TASP1: variants seen among roughly 807,000 people sequenced by gnomAD.
TASP1 encodes the protein threonine aspartase 1.
A neutral mutation model predicts 56.6 loss-of-function variants in TASP1; 16 were observed. The ratio of observed to expected loss-of-function variants is 0.28; its 90% CI spans 0.19 to 0.43. The LOEUF (loss-of-function observed/expected upper bound fraction) is 0.43. TASP1 is among the 20% of genes least tolerant of loss of function. The pLI is 1.00. For synonymous variants in TASP1, 179 were observed against 184.2 expected, an observed-to-expected ratio of 0.97 and a Z score of 0.23; for missense variants, 393 against 511.6, an observed-to-expected ratio of 0.77 and a Z score of 2.24.
chr20:13,316,982 A>G, the TASP1 span, among the ~76,000 whole-genome samples: 13 of 152,028 alleles, frequency 8.6e-5, no homozygotes, highest in African/African-American at 3.1e-4. Flanking sequence ...ATTGAGAAGG[A>G]AAAAAAGGAA....
rs548285928 is a variant in TASP1, at chr20:13,506,196, T to C, written c.874+22237A>G. ...TATATAATCTACCAACATTGAATCATGAAGAAAAAGAAAATCTCAACAGAC... is the reference window on the plus strand; with the variant it reads ...TATATAATCTACCAACATTGAATCACGAAGAAAAAGAAAATCTCAACAGAC... On this transcript the variant is annotated intron_variant, in intron 10 of 13. Coordinates refer to ENST00000337743, the MANE Select transcript of TASP1 (RefSeq NM_017714.3). 5.3e-5 allele frequency among the ~76,000 whole-genome samples: 8 copies of C among 150,506 alleles called. No homozygotes were observed. The South Asian group carries it at 1.7e-3, about 31-fold the overall frequency.
At chr20:13,362,396 C>T in the TASP1 span, among the ~76,000 whole-genome samples, 1,389 of 151,530 alleles carry the variant, frequency 9.2e-3, 13 homozygotes, top group African/African-American at 0.028. Flanking sequence ...TGCAAATGGC[C>T]GGTCCTTGCC....
chr20:13,526,541 A>G (rs2044987818), intron 10 of TASP1, among the ~76,000 whole-genome samples: 1 of 152,210 alleles, frequency 6.6e-6, no homozygotes, highest in South Asian at 2.1e-4. Context: ...ATATTATTAC[A>G]TTATGCTCAT....
chr20:13,519,017 T>A (rs2146782360), intron 10 of TASP1, among the ~76,000 whole-genome samples: 1 of 152,098 alleles, frequency 6.6e-6, no homozygotes, highest in Non-Finnish European at 1.5e-5. Context: ...AAAAAAAATA[T>A]CCCTTGCAGC....
chr20:13,572,265 A>T, intron 6 of TASP1, among the ~76,000 whole-genome samples: 1 of 152,206 alleles, frequency 6.6e-6, no homozygotes, highest in East Asian at 1.9e-4. Flanking sequence ...AGAGTGTCAA[A>T]CTTCTCTAGA....
At chr20:13,599,409 C>T (rs2047869439) in intron 4 of TASP1, among the ~76,000 whole-genome samples, 1 of 152,188 alleles carries the variant, frequency 6.6e-6, no homozygotes, top group African/African-American at 2.4e-5. Context: ...CCATCATTCT[C>T]AGCAAACTAT....
chr20:13,602,871 C>A (rs1027971790), intron 4 of TASP1, among the ~76,000 whole-genome samples: 3 of 152,106 alleles, frequency 2.0e-5, no homozygotes, highest in African/African-American at 7.2e-5. Context: ...GGGTTACGGA[C>A]CCCTGCTCTA....
chr20:13,606,132 C>A (rs1010859805), intron 4 of TASP1, among the ~76,000 whole-genome samples: 2 of 94,936 alleles, frequency 2.1e-5, no homozygotes, highest in African/African-American at 1.6e-4. Flanking sequence ...CATGTGTGTG[C>A]GTGCGTGTGT....
At chr20:13,484,907 A>T (rs915967035) in intron 10 of TASP1, among the ~76,000 whole-genome samples, 3 of 151,344 alleles carry the variant, frequency 2.0e-5, no homozygotes, top group Admixed American at 1.3e-4. Context: ...GCATGTTCTC[A>T]CTCATAAGTG....
the TASP1 span, among the ~76,000 whole-genome samples, chr20:13,202,451 T>C: frequency 6.6e-6 from 1 of 152,236 alleles, no homozygotes; most frequent in African/African-American, 2.4e-5. Context: ...TTCTGAATAA[T>C]GGCCATGATT....
chr20:13,365,766 G>A, the TASP1 span, among the ~76,000 whole-genome samples: 2 of 152,182 alleles, frequency 1.3e-5, no homozygotes, highest in African/African-American at 2.4e-5. Flanking sequence ...TCGACTGAAT[G>A]GAAAACCACT....
At chr20:13,585,043 C>A (rs2047253780) in intron 5 of TASP1, among the ~76,000 whole-genome samples, 1 of 152,106 alleles carries the variant, frequency 6.6e-6, no homozygotes, top group Admixed American at 6.5e-5. Context: ...TTGAAAGCAG[C>A]CATAACAGGG....
In TASP1 at chr20:13,444,810, C is replaced by T. The variant is rs531749603; in HGVS notation, c.986-9656G>A. 5.9e-5 allele frequency among the ~76,000 whole-genome samples: 9 copies of T among 152,214 alleles called. No homozygotes were observed. The East Asian group carries it at 1.5e-3, about 26-fold the overall frequency. ...AGGCATATGGAGGTAAATGAGCCTACAGAAACACAAGGAAGAAGTGGGAGC... is the reference window on the plus strand; with the variant it reads ...AGGCATATGGAGGTAAATGAGCCTATAGAAACACAAGGAAGAAGTGGGAGC... On this transcript the variant is annotated intron_variant, in intron 11 of 13. Transcript: ENST00000337743.
the TASP1 span, among the ~76,000 whole-genome samples, chr20:13,131,847 G>T: frequency 6.6e-6 from 1 of 152,078 alleles, no homozygotes; most frequent in Non-Finnish European, 1.5e-5. Context: ...ACTTTCTGTC[G>T]TCTTTTCAGC....
intron 8 of TASP1, among the ~76,000 whole-genome samples, chr20:13,554,724 T>G (rs989503790): frequency 5.9e-5 from 9 of 151,876 alleles, no homozygotes; most frequent in Non-Finnish European, 1.3e-4. Context: ...GTCTATTAAG[T>G]GTATAATAGC....
chr20:13,299,275 AC>A, the TASP1 span: 9 of 1,611,414 alleles, frequency 5.6e-6, no homozygotes, highest in Non-Finnish European at 7.6e-6. This position sits in a 1 kb window ranked among gnomAD's most constrained non-coding sequence, Gnocchi z 5.8. Flanking sequence ...GGCACGCCCA[AC>A]CTCATCAGCA....
intron 1 of TASP1, among the ~76,000 whole-genome samples, chr20:13,638,244 A>G (rs1476741820): frequency 6.6e-6 from 1 of 152,186 alleles, no homozygotes; most frequent in Non-Finnish European, 1.5e-5. Flanking sequence ...TAATTCAGCA[A>G]TCTAATGGCC....
At chr20:13,455,547 T>C (rs200424517) in intron 11 of TASP1, among the ~76,000 whole-genome samples, 2 of 152,138 alleles carry the variant, frequency 1.3e-5, no homozygotes, top group Non-Finnish European at 2.9e-5. Context: ...GAATCACTGA[T>C]GCTTTATGAA....
chr20:13,331,388 T>A, the TASP1 span, among the ~76,000 whole-genome samples: 17 of 152,086 alleles, frequency 1.1e-4, no homozygotes, highest in South Asian at 4.2e-4. Flanking sequence ...AATTCAGGAG[T>A]TTCCTGCTTT....
Sources: gnomAD v4.1 joint callset for allele counts (sites outside exome capture counted in the v4.1 genomes callset) on GRCh38, gnomAD v4.1.1 for gene constraint, Gnocchi (gnomAD v3.1) non-coding constraint, MANE v1.5 for transcripts, NCBI Gene and HGNC (gene_info 2026-07-23, HGNC 2026-07-21) for gene names.